The following PNPLA2 variants were observed in gnomAD, a reference collection of about 807,000 sequenced individuals.
PNPLA2 encodes patatin like domain 2, triacylglycerol lipase.
A neutral mutation model predicts 39.7 loss-of-function variants in PNPLA2; 28 were observed. The observed-to-expected ratio is 0.70, with a 90% CI of 0.52 to 0.97. The LOEUF (loss-of-function observed/expected upper bound fraction) is 0.97, where lower values mean the gene tolerates loss of function less well. Ranked by LOEUF, PNPLA2 falls within the 50% of genes least tolerant of loss-of-function variation. The pLI, the probability that PNPLA2 is intolerant of heterozygous loss-of-function variation, is 0.00. For synonymous variants in PNPLA2, 392 were observed against 321.1 expected, an observed-to-expected ratio of 1.22 and a Z score of -2.36; for missense variants, 768 against 698.2, an observed-to-expected ratio of 1.10 and a Z score of -1.13.
In PNPLA2 at chr11:823,566, C is replaced by T; in HGVS notation, c.736C>T (p.Leu246=). The T allele has an allele frequency of 6.2e-7, 1 of 1,610,988 alleles. No homozygotes were observed. The highest frequency in any genetic ancestry group is 1.1e-5 in the South Asian group (1 of 90,594). ...EMCKQGYRDG[L]RFLQRNGLLN... ...GTGCAAGCAGGGATACCGGGATGGCCTGCGCTTTCTGCAGCGGAACGGTGC... is the reference window on the plus strand; with the variant it reads ...GTGCAAGCAGGGATACCGGGATGGCTTGCGCTTTCTGCAGCGGAACGGTGC... Residue 246 remains leucine (L), a synonymous_variant, in exon 6 of 10, where the codon CTG becomes TTG. Transcript: ENST00000336615.
At chr11:822,087 A>C in intron 4 of PNPLA2, 64 bp downstream of exon 4, 3 of 1,443,648 alleles carry the variant, frequency 2.1e-6, no homozygotes, top group South Asian at 1.1e-5. Context: ...ACAGAGGAGG[A>C]GGCCGCCTAG....
rs565160774 is a variant in PNPLA2, at chr11:822,650, A to T, written c.696+44A>T. 29 of 1,469,280 alleles carry T rather than the reference A, an allele frequency of 2.0e-5. 1 individual carries two copies. The South Asian group carries it at 2.7e-4, about 14-fold the overall frequency. The allele number at this position is 1,469,280 out of a possible 1,614,324, so 91.0% of individuals were successfully genotyped here. A position where few individuals can be genotyped will look rare whatever the true frequency, so the allele number is the denominator to read the frequency against. The stretch of plus-strand genomic sequence containing the variant: ...ACTGTGGCCTTCCCAGCCACTCCTC[A>T]CTGGGCACCAAGGGAGAACACTGAT... On this transcript the variant is annotated intron_variant, in intron 5 of 9. Transcript: ENST00000336615.
intron 5 of PNPLA2, 149 bp downstream of exon 5, chr11:822,755 G>T: frequency 1.4e-6 from 1 of 698,640 alleles, no homozygotes; most frequent in South Asian, 1.5e-5. Context: ...CTTTCTAGGG[G>T]CAGATGGCCC....
Position 821,755 on chromosome 11 carries a change from T to C in PNPLA2, c.315T>C (p.Asp105=). The C allele has an allele frequency of 1.9e-6, 3 of 1,613,994 alleles. No homozygotes were observed. Among genetic ancestry groups the C allele is most frequent in the Non-Finnish European group, 1.7e-6 (2 of 1,180,014 alleles). ...RSFLLKVLPA[D]SHEHASGRLG... is the part of the protein sequence containing the mutation. Reference sequence around the variant, plus strand: ...TCCTGCTGAAGGTCCTGCCTGCTGATAGCCATGAGCATGCCAGTGGGCGCC... The same window carrying C: ...TCCTGCTGAAGGTCCTGCCTGCTGACAGCCATGAGCATGCCAGTGGGCGCC... The change falls in exon 3 of 10, where the codon GAT becomes GAC. Residue 105 remains aspartate (D), a synonymous_variant. Transcript: ENST00000336615.
Position 824,454 on chromosome 11 carries a change from C to G in PNPLA2, c.1175+18C>G, listed in dbSNP as rs781441450. ...CCCTCCAGGTGAGCCGCCGACCGCGCGTCCACCCGGGGCCCGCGGTGCTAG... is the reference window on the plus strand; with the variant it reads ...CCCTCCAGGTGAGCCGCCGACCGCGGGTCCACCCGGGGCCCGCGGTGCTAG... On this transcript the variant is annotated intron_variant, in intron 9 of 9. Transcript: ENST00000336615. 5.2e-6 allele frequency: 8 copies of G among 1,550,352 alleles called. No individual in the cohort carries two copies. In the Admixed American group the frequency reaches 7.8e-5, roughly 15 times the overall value.
chr11:824,455 G>A lies in PNPLA2; in HGVS notation c.1175+19G>A, dbSNP rs1411217069. On this transcript the variant is annotated intron_variant, in intron 9 of 9. Coordinates refer to ENST00000336615, the MANE Select transcript of PNPLA2 (RefSeq NM_020376.4). ...CCTCCAGGTGAGCCGCCGACCGCGC[G>A]TCCACCCGGGGCCCGCGGTGCTAGC... 4 of 1,549,944 alleles carry A rather than the reference G, an allele frequency of 2.6e-6. No individual in the cohort carries two copies. In the Admixed American group the frequency reaches 5.9e-5, roughly 23 times the overall value.
intron 2 of PNPLA2, chr11:821,254 G>A: frequency 2.9e-6 from 1 of 343,782 alleles, no homozygotes; most frequent in Non-Finnish European, 5.5e-6. Context: ...CTGTGTGCCG[G>A]GATGGGTTTT....
chr11:824,094 C>T lies in PNPLA2; in HGVS notation c.1016C>T (p.Thr339Met), dbSNP rs1347389025. The T allele has an allele frequency of 6.2e-7, 1 of 1,604,036 alleles. No homozygotes were observed. Among genetic ancestry groups the T allele is most frequent in the Admixed American group, 1.7e-5 (1 of 58,946 alleles). The change falls in exon 8 of 10, where the codon ACG becomes ATG. Residue 339 changes from threonine to methionine, a missense_variant. Physicochemically the swap from Thr to Met is moderately conservative, Grantham distance 81. Coordinates refer to ENST00000336615, the MANE Select transcript of PNPLA2 (RefSeq NM_020376.4). ...RLATAMMVPY[T>M]LPLESALSFT... ...GCCACGGCCATGATGGTGCCCTACA[C>T]GCTGCCGCTGGAGAGCGCTCTGTCC...
chr11:824,762 C>T lies in PNPLA2; in HGVS notation c.1415C>T (p.Ala472Val), dbSNP rs765640246. 6 of 1,556,064 alleles carry T rather than the reference C, an allele frequency of 3.9e-6. No individual in the cohort carries two copies. Among genetic ancestry groups the T allele is most frequent in the African/African-American group, 1.4e-5 (1 of 73,818 alleles). ...CCCGCCGACCCGGCTCCCGCCCCCG[C>T]GGACCCAGCATCCCCGCAGCACCAG... ...RAPADPAPAPADPASPQHQLA... is the reference protein window; with the variant it reads ...RAPADPAPAPVDPASPQHQLA... The change falls in exon 10 of 10, where the codon GCG (alanine) becomes GTG (valine). Residue 472 changes from alanine to valine, a missense_variant. Transcript: ENST00000336615.
chr11:825,368 C>G lies in PNPLA2; in HGVS notation c.*506C>G, dbSNP rs893355333. On this transcript the variant is annotated 3_prime_UTR_variant, in exon 10 of 10. Coordinates refer to ENST00000336615, the MANE Select transcript of PNPLA2 (RefSeq NM_020376.4). ...CACTCCTGGGCCTGGCATTTGGAAC[C>G]TGCCAGGCTGGCCTGGGAACACCCC... 9.2e-6 allele frequency: 2 copies of G among 217,420 alleles called. No individual in the cohort carries two copies. Among genetic ancestry groups the G allele is most frequent in the African/African-American group, 2.4e-5 (1 of 41,766 alleles). 13.5% of individuals were successfully genotyped at this position (217,420 alleles called of 1,614,324 possible). A position where few individuals can be genotyped will look rare whatever the true frequency, so the allele number is the denominator to read the frequency against.
chr11:819,476 G>A (rs1440430076), intron 1 of PNPLA2, 98 bp from the exon 2 acceptor site: 1 of 1,219,998 alleles, frequency 8.2e-7, no homozygotes, highest in Non-Finnish European at 1.0e-6. Flanking sequence ...CCGAGGGCAC[G>A]GCCGTTCCCT....
At position 819,766 on chromosome 11, in the gene PNPLA2, C is replaced by T. The variant is rs1845606349; in HGVS notation, c.48C>T (p.Gly16=). 3 of 1,515,234 alleles carry T rather than the reference C, an allele frequency of 2.0e-6. No individual in the cohort carries two copies. The highest frequency in any genetic ancestry group is 1.2e-5 in the South Asian group (1 of 80,760). The allele number at this position is 1,515,234 out of a possible 1,614,324, so 93.9% of individuals were successfully genotyped here. ...GGAACATCTCGTTCGCGGGCTGCGG[C>T]TTCCTCGGCGTCTACTACGTCGGCG... ...KTWNISFAGC[G]FLGVYYVGVA... The change falls in exon 2 of 10, where the codon GGC becomes GGT. Residue 16 remains glycine, a synonymous_variant. Coordinates refer to ENST00000336615, the MANE Select transcript of PNPLA2 (RefSeq NM_020376.4).
At chr11:819,301 C>T (rs1845587941) in intron 1 of PNPLA2, 1 of 487,244 alleles carries the variant, frequency 2.1e-6, no homozygotes, top group African/African-American at 2.1e-5. Context: ...CTGTGTGAGG[C>T]TTCCGGCCCC....
rs1484791106 is a variant in PNPLA2, at chr11:825,187, C to T, written c.*325C>T. ...GTGTGTGAAGAATTATTTATTTTCG[C>T]CAAAGCACATGTAATAAATGCTGCA... On this transcript the variant is annotated 3_prime_UTR_variant, in exon 10 of 10. Transcript: ENST00000336615. 3 of 471,850 alleles carry T rather than the reference C, an allele frequency of 6.4e-6. No homozygotes were observed. The highest frequency in any genetic ancestry group is 4.1e-5 in the African/African-American group (2 of 48,560). 29.2% of individuals were successfully genotyped at this position (471,850 alleles called of 1,614,324 possible).
At position 824,834 on chromosome 11, in the gene PNPLA2, G is replaced by C; in HGVS notation, c.1487G>C (p.Arg496Pro). The change falls in exon 10 of 10, where the codon CGG (arginine) becomes CCG (proline). Residue 496 changes from arginine to proline, a missense_variant. By Grantham distance (103) the Arg-to-Pro change is moderately radical. Transcript: ENST00000336615. ...CTGAGCACCCCTGCTCCCGAGGCCC[G>C]GCCCGTGATCGGGGCCCTGGGGCTG... is the stretch of plus-strand genomic sequence containing the variant. ...PLLSTPAPEA[R>P]PVIGALGL 6.5e-7 allele frequency: 1 copy of C among 1,534,562 alleles called. No homozygotes were observed. The highest frequency in any genetic ancestry group is 8.7e-7 in the Non-Finnish European group (1 of 1,146,132).
rs1048922951 is a variant in PNPLA2, at chr11:819,559, G to C, written c.-145-15G>C. The C allele has an allele frequency of 1.0e-5, 13 of 1,292,046 alleles. No homozygotes were observed. The African/African-American group carries it at 2.0e-4, about 20-fold the overall frequency. The allele number at this position is 1,292,046 out of a possible 1,614,324, so 80.0% of individuals were successfully genotyped here. A position where few individuals can be genotyped will look rare whatever the true frequency, so the allele number is the denominator to read the frequency against. ...TCCCACACTTAAAAGCGCCGCCTCC[G>C]CGCCGCCCGCGTAGCTTCTTCGCCT... On this transcript the variant is annotated splice_polypyrimidine_tract_variant and intron_variant, in intron 1 of 9. Coordinates refer to ENST00000336615, the MANE Select transcript of PNPLA2 (RefSeq NM_020376.4).
rs750381958 is a variant in PNPLA2 at position 824,285 on chromosome 11, C to T, written c.1053-29C>T. 7 of 1,549,580 alleles carry T rather than the reference C, an allele frequency of 4.5e-6. No homozygotes were observed. In the East Asian group the frequency reaches 7.3e-5, roughly 16 times the overall value. On this transcript the variant is annotated intron_variant, in intron 8 of 9. Coordinates refer to ENST00000336615, the MANE Select transcript of PNPLA2 (RefSeq NM_020376.4). Reference sequence around the variant, plus strand: ...GTGGGCATGTGGGTCTGGCCAAGTCCCTGAACGCGCCGCTCGCCCTGTCCC... The same window carrying T: ...GTGGGCATGTGGGTCTGGCCAAGTCTCTGAACGCGCCGCTCGCCCTGTCCC...
Position 823,852 on chromosome 11 carries a change from G to C in PNPLA2, c.916G>C (p.Glu306Gln). The change falls in exon 7 of 10, where the codon GAG (glutamate) becomes CAG (glutamine). Residue 306 changes from glutamate to glutamine, a missense_variant. Glu to Gln is a conservative substitution (Grantham distance 29). Coordinates refer to ENST00000336615, the MANE Select transcript of PNPLA2 (RefSeq NM_020376.4). Reference sequence around the variant, plus strand: ...GGAGCACCTGCCCGCCCGGCTCAATGAGGGTGCGCACCTGGGGGACGGGAG... The same window carrying C: ...GGAGCACCTGCCCGCCCGGCTCAATCAGGGTGCGCACCTGGGGGACGGGAG... ...ILEHLPARLN[E>Q]ALLEACVEPT... 6.3e-7 allele frequency: 1 copy of C among 1,585,328 alleles called. No homozygotes were observed. Among genetic ancestry groups the C allele is most frequent in the South Asian group, 1.1e-5 (1 of 87,838 alleles).
chr11:819,360 C>G (rs1185805045), intron 1 of PNPLA2: 1 of 966,690 alleles, frequency 1.0e-6, no homozygotes, highest in East Asian at 1.1e-4. Context: ...GGCGTGTGCC[C>G]CCAGCCGTGC....
Sources: gnomAD v4.1 joint callset for allele counts on GRCh38, gnomAD v4.1.1 for gene constraint, MANE v1.5 for transcripts, NCBI Gene and HGNC (gene_info 2026-07-23, HGNC 2026-07-21) for gene names.